CLCN7: variants seen among roughly 807,000 people sequenced by gnomAD.
CLCN7 encodes H(+)/Cl(-) exchange transporter 7.
CLCN7 carries 60 observed loss-of-function variants against 102.1 expected under a neutral mutation model. The ratio of observed to expected loss-of-function variants is 0.59; its 90% CI spans 0.48 to 0.73. The LOEUF is 0.73. CLCN7 is among the 30% of genes least tolerant of loss of function. The pLI is 0.00. For synonymous variants in CLCN7, 560 were observed against 490.5 expected (o/e 1.14, Z -1.87); for missense variants, 962 against 1,125.7 (o/e 0.85, Z 2.08).
intron 21 of CLCN7, 29 bp downstream of exon 21, chr16:1,448,326 C>A: frequency 6.2e-7 from 1 of 1,612,224 alleles, no homozygotes; most frequent in African/African-American, 1.3e-5. Flanking sequence ...GTCACATAGG[C>A]AGGACCCTGT....
At chr16:1,460,685 C>T (rs760252217) in intron 5 of CLCN7, 131 bp downstream of exon 5, 13 of 1,430,260 alleles carry the variant, frequency 9.1e-6, no homozygotes, top group Non-Finnish European at 1.3e-5. Flanking sequence ...CCAACCATGA[C>T]AGGGACACAG....
chr16:1,455,805 AG>A lies in CLCN7; in HGVS notation c.917-11del. The A allele has an allele frequency of 6.2e-7, 1 of 1,613,098 alleles. No homozygotes were observed. The highest frequency in any genetic ancestry group is 2.2e-5 in the East Asian group (1 of 44,876). On this transcript the variant is annotated splice_polypyrimidine_tract_variant and intron_variant, in intron 10 of 24. Coordinates refer to ENST00000382745, the MANE Select transcript of CLCN7 (RefSeq NM_001287.6). ...CTGAACAGGACCCCACCTGGAAGGC[AG>A]GCGGCCGGCTCGGGTGCCAGCTGGA...
At chr16:1,458,153 C>T (rs1306395746) in intron 7 of CLCN7, among the ~76,000 whole-genome samples, 2 of 152,230 alleles carry the variant, frequency 1.3e-5, no homozygotes, top group African/African-American at 2.4e-5. Context: ...CACTGGAAGG[C>T]TGGTCACCTG....
Position 1,459,277 on chromosome 16 carries a change from A to G in CLCN7, c.595-90T>C, listed in dbSNP as rs115587139. 2,896 of 1,140,946 alleles carry G rather than the reference A, an allele frequency of 2.5e-3. 58 individuals are homozygous for G. The African/African-American group carries it at 0.037, about 15-fold the overall frequency. 70.7% of individuals were successfully genotyped at this position (1,140,946 alleles called of 1,614,324 possible). A position where few individuals can be genotyped will look rare whatever the true frequency, so the allele number is the denominator to read the frequency against. Reference sequence around the variant, plus strand: ...CCCAGGAGCCCCAGGAGCTGAGGAGAGCAGCAGACACGTCGGGGCCTCAGG... The same window carrying G: ...CCCAGGAGCCCCAGGAGCTGAGGAGGGCAGCAGACACGTCGGGGCCTCAGG... On this transcript the variant is annotated intron_variant, in intron 6 of 24. Coordinates refer to ENST00000382745, the MANE Select transcript of CLCN7 (RefSeq NM_001287.6).
At chr16:1,460,025 C>T (rs967848311) in intron 6 of CLCN7, among the ~76,000 whole-genome samples, 17 of 151,536 alleles carry the variant, frequency 1.1e-4, no homozygotes, top group Non-Finnish European at 2.1e-4. Flanking sequence ...GCAGCACACA[C>T]GTTGGGGCCC....
At position 1,473,276 on chromosome 16, in the gene CLCN7, C is replaced by A. The variant is rs994121887; in HGVS notation, c.141+1558G>T. On this transcript the variant is annotated intron_variant, in intron 1 of 24. Transcript: ENST00000382745. Reference sequence around the variant, plus strand: ...CTGCTTCTTATCAGCAAAAGGCAGACTATGACCTTCTTTGTCTGGTGCGTT... The same window carrying A: ...CTGCTTCTTATCAGCAAAAGGCAGAATATGACCTTCTTTGTCTGGTGCGTT... 4.6e-5 allele frequency among the ~76,000 whole-genome samples: 7 copies of A among 151,330 alleles called. No individual in the cohort carries two copies. The South Asian group carries it at 1.0e-3, about 22-fold the overall frequency.
intron 1 of CLCN7, chr16:1,472,809 C>G (rs1458259998): frequency 6.8e-6 from 1 of 146,492 alleles, no homozygotes; most frequent in African/African-American, 2.5e-5. Context: ...GACAAACTAC[C>G]TCGGAAAAAA....
In CLCN7 at chr16:1,449,233, C is replaced by T. The variant is rs2038703928; in HGVS notation, c.1669+43G>A. 3 of 1,568,140 alleles carry T rather than the reference C, an allele frequency of 1.9e-6. No individual in the cohort carries two copies. The East Asian group carries it at 7.2e-5, about 37-fold the overall frequency. ...AAGGACAGCCATGGCCCCCTCCAGA[C>T]CCCGTGGAGCTCCCCACCCATCGGG... On this transcript the variant is annotated intron_variant, in intron 18 of 24. Transcript: ENST00000382745.
rs969923539 is a variant in CLCN7, at chr16:1,446,946, G to T, written c.2331+60C>A. ...CCTGCCGGGAGCTGAGAGTAAGCAC[G>T]GGCAGGAGGCAGAGGGGAGCCCTGC... is the stretch of plus-strand genomic sequence containing the variant. On this transcript the variant is annotated intron_variant, in intron 24 of 24. Transcript: ENST00000382745. The T allele has an allele frequency of 8.9e-6, 13 of 1,453,162 alleles. No homozygotes were observed. The African/African-American group carries it at 1.5e-4, about 17-fold the overall frequency. 90.0% of individuals were successfully genotyped at this position (1,453,162 alleles called of 1,614,324 possible). A position where few individuals can be genotyped will look rare whatever the true frequency, so the allele number is the denominator to read the frequency against.
At chr16:1,459,248 CAGCCCCAGG>C (rs1377656695) in intron 6 of CLCN7, 61 bp from the exon 7 acceptor site, 2 of 1,289,152 alleles carry the variant, frequency 1.6e-6, no homozygotes, top group Non-Finnish European at 1.1e-6. Flanking sequence ...TGCAGCCCCT[CAGCCCCAGG>C]AGCCCCAGGA....
At chr16:1,461,282 G>A in intron 4 of CLCN7, 123 bp downstream of exon 4, 1 of 887,384 alleles carries the variant, frequency 1.1e-6, no homozygotes, top group Non-Finnish European at 1.8e-6. Context: ...ACAGGCCTCA[G>A]AGGCGGAGTC....
intron 17 of CLCN7, 31 bp downstream of exon 17, chr16:1,450,466 G>A (rs1241614163): frequency 5.1e-6 from 8 of 1,566,916 alleles, no homozygotes; most frequent in East Asian, 4.6e-5. Flanking sequence ...CAGCTGCAGG[G>A]CCCCACAGCC....
At chr16:1,447,125 G>A in intron 23 of CLCN7, 39 bp from the exon 24 acceptor site, 1 of 1,543,116 alleles carries the variant, frequency 6.5e-7, no homozygotes, top group Non-Finnish European at 8.7e-7. Flanking sequence ...CGCCCACACA[G>A]CAGAGGCAGG....
In CLCN7 at chr16:1,448,743, C is replaced by A. The variant is rs763692244; in HGVS notation, c.1821G>T (p.Gln607His). The part of the protein sequence containing the change: ...FIEGLYDMHI[Q>H]LQSVPFLHWE... ...AGTGCAGGAAGGGCACACTCTGCAGCTGAATGTGCATGTCGTACAGGCCCT... is the reference window on the plus strand; with the variant it reads ...AGTGCAGGAAGGGCACACTCTGCAGATGAATGTGCATGTCGTACAGGCCCT... Residue 607 changes from glutamine to histidine, a missense_variant, in exon 20 of 25, where the codon CAG (glutamine) becomes CAT (histidine). Gln to His is a conservative substitution (Grantham distance 24). Transcript: ENST00000382745. The A allele has an allele frequency of 6.2e-7, 1 of 1,612,538 alleles. No homozygotes were observed. The highest frequency in any genetic ancestry group is 1.7e-5 in the Admixed American group (1 of 60,028).
chr16:1,468,663 G>A (rs1178881961), intron 1 of CLCN7, among the ~76,000 whole-genome samples: 4 of 152,164 alleles, frequency 2.6e-5, no homozygotes, highest in Non-Finnish European at 5.9e-5. Flanking sequence ...ACTCGGGCCG[G>A]ACGGGAGGCG....
rs188893797 is a variant in CLCN7, at chr16:1,453,744, G to A, written c.1214+90C>T. 3.8e-5 allele frequency: 46 copies of A among 1,209,626 alleles called. No individual in the cohort carries two copies. The African/African-American group carries it at 5.7e-4, about 15-fold the overall frequency. The allele number at this position is 1,209,626 out of a possible 1,614,324, so 74.9% of individuals were successfully genotyped here. On this transcript the variant is annotated intron_variant, in intron 14 of 24. Coordinates refer to ENST00000382745, the MANE Select transcript of CLCN7 (RefSeq NM_001287.6). ...CAGCCTTTCTTTCGGCTGTGGCCTAGGAGTGTAAACCCCATTCCACCACGT... is the reference window on the plus strand; with the variant it reads ...CAGCCTTTCTTTCGGCTGTGGCCTAAGAGTGTAAACCCCATTCCACCACGT...
At chr16:1,453,288 T>C (rs35426123) in intron 14 of CLCN7, among the ~76,000 whole-genome samples, 17,232 of 152,150 alleles carry the variant, frequency 0.11, 1,212 homozygotes, top group African/African-American at 0.18. Context: ...GCTGGGATTA[T>C]AGTCGTGAGG....
In CLCN7 at chr16:1,450,537, C is replaced by A; in HGVS notation, c.1577G>T (p.Arg526Leu). ...PSLLIGAAWG[R>L]LFGISLSYLT... ...GTAGGACAGGGAGATCCCAAAGAGC[C>A]GGCCCCAGGCAGCCCCGATGAGCAG... Residue 526 changes from arginine to leucine, a missense_variant, in exon 17 of 25, where the codon CGG becomes CTG. Transcript: ENST00000382745. The A allele has an allele frequency of 1.2e-6, 2 of 1,610,462 alleles. No homozygotes were observed. The highest frequency in any genetic ancestry group is 1.1e-5 in the South Asian group (1 of 90,594).
intron 15 of CLCN7, 104 bp downstream of exon 15, chr16:1,452,651 C>T (rs1056690698): frequency 7.8e-7 from 1 of 1,276,500 alleles, no homozygotes; most frequent in Admixed American, 2.2e-5. Flanking sequence ...GCTTCTGGAA[C>T]TCGGCGGGGT....
Sources: gnomAD v4.1 joint callset for allele counts (sites outside exome capture counted in the v4.1 genomes callset) on GRCh38, gnomAD v4.1.1 for gene constraint, MANE v1.5 for transcripts, NCBI Gene and HGNC (gene_info 2026-07-23, HGNC 2026-07-21) for gene names.